Variants in UBP1 observed in about 807,000 individuals in gnomAD.
UBP1 encodes the protein upstream binding protein 1.
UBP1 carries 22 observed loss-of-function variants against 76.1 expected under a neutral mutation model. The ratio of observed to expected loss-of-function variants is 0.29; its 90% CI spans 0.21 to 0.41. The LOEUF (loss-of-function observed/expected upper bound fraction) is 0.41, where lower values mean the gene tolerates loss of function less well. Among genes scored for constraint, UBP1 ranks in the 10% least tolerant of loss-of-function variants. The pLI, the probability that UBP1 is intolerant of heterozygous loss-of-function variation, is 1.00. For synonymous variants in UBP1, 224 were observed against 237.1 expected (o/e 0.94, Z 0.51); for missense variants, 436 against 668.1 (o/e 0.65, Z 3.83).
intron 15 of UBP1, 158 bp from the exon 16 acceptor site, chr3:33,390,526 C>T (rs2043717291): frequency 2.7e-6 from 2 of 751,540 alleles, no homozygotes; most frequent in Non-Finnish European, 4.4e-6. Flanking sequence ...TCTAGCTCCT[C>T]TTCCCCCAAA....
intron 3 of UBP1, among the ~76,000 whole-genome samples, chr3:33,413,192 T>C (rs965151436): frequency 3.3e-5 from 5 of 152,116 alleles, no homozygotes; most frequent in Non-Finnish European, 7.4e-5. Context: ...AATGAAAAGA[T>C]GGAGACAGAG....
At chr3:33,407,547 T>TAA (rs35830232) in intron 8 of UBP1, among the ~76,000 whole-genome samples, 92 of 135,664 alleles carry the variant, frequency 6.8e-4, no homozygotes, top group African/African-American at 2.4e-3. Context: ...CGAATTTATT[T>TAA]AAAAAAAAAA....
chr3:33,396,218 T>TGCA lies in UBP1; in HGVS notation c.1331_1333dup (p.Leu444dup). On this transcript the variant is annotated inframe_insertion, in exon 13 of 16. Coordinates refer to ENST00000283629, the MANE Select transcript of UBP1 (RefSeq NM_014517.5). ...ACTGCTTGCAGCTTGCTGCTGCCCT[T>TGCA]GCAGCACTGTGCTGCTTGGCTGCTC... 6.3e-7 allele frequency: 1 copy of TGCA among 1,595,612 alleles called. No individual in the cohort carries two copies. The highest frequency in any genetic ancestry group is 1.1e-5 in the South Asian group (1 of 90,146).
intron 11 of UBP1, among the ~76,000 whole-genome samples, chr3:33,398,990 C>T (rs888483531): frequency 2.6e-5 from 4 of 152,218 alleles, no homozygotes; most frequent in Admixed American, 1.3e-4. Flanking sequence ...AAGAAGTACA[C>T]GGGGAATAAC....
At chr3:33,397,397 AG>A in intron 11 of UBP1, 1 of 287,222 alleles carries the variant, frequency 3.5e-6, no homozygotes, top group East Asian at 6.0e-5. Flanking sequence ...CAGGGCCTAA[AG>A]AACTCTTCCC....
intron 2 of UBP1, among the ~76,000 whole-genome samples, chr3:33,417,863 A>C (rs1179093521): frequency 6.6e-6 from 1 of 152,244 alleles, no homozygotes; most frequent in Non-Finnish European, 1.5e-5. Flanking sequence ...AAAGGATTCT[A>C]GATTATAGGG....
At chr3:33,392,060 T>C (rs968440556) in intron 15 of UBP1, 2 of 153,058 alleles carry the variant, frequency 1.3e-5, no homozygotes, top group African/African-American at 4.8e-5. Context: ...AGCTCCCGCT[T>C]CTTCTCATTC....
chr3:33,391,251 T>G (rs2043751898), intron 15 of UBP1: 1 of 152,236 alleles, frequency 6.6e-6, no homozygotes, highest in African/African-American at 2.4e-5. Context: ...ATCTCCCTCT[T>G]CTAGGGGCAG....
intron 11 of UBP1, among the ~76,000 whole-genome samples, chr3:33,398,733 T>A (rs934718594): frequency 3.4e-4 from 51 of 152,206 alleles, no homozygotes; most frequent in African/African-American, 1.1e-3. Context: ...ACTCACCAGA[T>A]AGAAACATGG....
At position 33,420,336 on chromosome 3, in the gene UBP1, T is replaced by C. The variant is rs112073412; in HGVS notation, c.266-3502A>G. On this transcript the variant is annotated intron_variant, in intron 2 of 15. Transcript: ENST00000283629. ...GCTGTACTTTATTAACATTCTTTTT[T>C]CTTTTTTGAGACAGAGTCTCACTCT... Among the ~76,000 whole-genome samples the C allele has an allele frequency of 5.3e-5, 8 of 152,304 alleles. 1 individual carries two copies. Among genetic ancestry groups the C allele is most frequent in the African/African-American group, 1.7e-4 (7 of 41,554 alleles).
intron 2 of UBP1, among the ~76,000 whole-genome samples, chr3:33,422,094 G>A (rs1409920966): frequency 2.6e-5 from 4 of 152,116 alleles, no homozygotes; most frequent in Non-Finnish European, 4.4e-5. Context: ...CAAGTCTAGT[G>A]AGCTGAAGAT....
At chr3:33,404,875 T>C (rs574712466) in intron 8 of UBP1, among the ~76,000 whole-genome samples, 1 of 152,260 alleles carries the variant, frequency 6.6e-6, no homozygotes, top group South Asian at 2.1e-4. Flanking sequence ...AAAAACAAAA[T>C]TGCTCATATG....
chr3:33,426,609 C>G (rs1295332010), intron 1 of UBP1, among the ~76,000 whole-genome samples: 1 of 152,184 alleles, frequency 6.6e-6, no homozygotes, highest in Non-Finnish European at 1.5e-5. Context: ...ACCCACTCAG[C>G]CCCTGGCACC....
intron 12 of UBP1, 123 bp downstream of exon 12, chr3:33,396,922 C>CTCGATGCT (rs746149066): frequency 5.8e-6 from 5 of 868,846 alleles, no homozygotes; most frequent in Non-Finnish European, 9.5e-6. Context: ...CACAATGCTG[C>CTCGATGCT]CAATGCTCGA....
upstream of UBP1, chr3:33,440,755 G>T (rs1219131089): frequency 6.6e-6 from 1 of 152,336 alleles, no homozygotes; most frequent in Non-Finnish European, 1.5e-5. Flanking sequence ...CTTCACCTTG[G>T]GCGGGCTCGA....
intron 8 of UBP1, among the ~76,000 whole-genome samples, chr3:33,407,667 A>G (rs1014372394): frequency 2.6e-5 from 4 of 152,118 alleles, no homozygotes; most frequent in Admixed American, 6.5e-5. Flanking sequence ...ATTCGATACT[A>G]TAATTGGAAA....
intron 2 of UBP1, among the ~76,000 whole-genome samples, chr3:33,422,068 AAAAG>A (rs2154058862): frequency 6.6e-6 from 1 of 152,274 alleles, no homozygotes; most frequent in African/African-American, 2.4e-5. Flanking sequence ...AATAAAATTA[AAAAG>A]AAAAAGAAAA....
intron 5 of UBP1, among the ~76,000 whole-genome samples, chr3:33,411,309 C>T (rs2044576008): frequency 6.6e-6 from 1 of 152,078 alleles, no homozygotes; most frequent in South Asian, 2.1e-4. Flanking sequence ...AAGAGAAATA[C>T]ATCTCATGAA....
intron 3 of UBP1, among the ~76,000 whole-genome samples, chr3:33,414,848 T>G (rs1049463502): frequency 1.5e-4 from 23 of 152,286 alleles, no homozygotes; most frequent in Admixed American, 9.8e-4. Context: ...GCTAAATATT[T>G]AGATACTGAT....
Sources: allele counts gnomAD v4.1 joint callset (sites outside exome capture counted in the v4.1 genomes callset), GRCh38; gene constraint gnomAD v4.1.1; transcripts MANE v1.5; gene names NCBI Gene and HGNC (gene_info 2026-07-23, HGNC 2026-07-21).